MACROD2: variants seen among roughly 807,000 people sequenced by gnomAD.
The protein encoded by MACROD2 is ADP-ribose glycohydrolase MACROD2.
Under a neutral mutation model 70.4 loss-of-function variants are expected in MACROD2, and 36 were observed. The ratio of observed to expected loss-of-function variants is 0.51; its 90% confidence interval spans 0.39 to 0.68. The LOEUF is 0.68. Ranked by LOEUF, MACROD2 falls within the 30% of genes least tolerant of loss-of-function variation. The pLI is 0.00. For missense variants in MACROD2, 496 were observed against 538.4 expected, an observed-to-expected ratio of 0.92 and a Z score of 0.78; for synonymous variants, 172 against 178.8, an observed-to-expected ratio of 0.96 and a Z score of 0.30.
intron 8 of MACROD2, among the ~76,000 whole-genome samples, chr20:15,676,326 G>A (rs1248155257): frequency 1.3e-5 from 2 of 152,174 alleles, no homozygotes; most frequent in African/African-American, 4.8e-5. Flanking sequence ...CCACTTAAAA[G>A]TCAATTTAGA....
intron 2 of MACROD2, among the ~76,000 whole-genome samples, chr20:14,066,805 A>ATTTTTT (rs34648174): frequency 4.8e-5 from 5 of 104,130 alleles, no homozygotes; most frequent in Admixed American, 1.2e-4. Context: ...TGTTTTAGTG[A>ATTTTTT]TTTTTTTTTT....
intron 3 of MACROD2, among the ~76,000 whole-genome samples, chr20:14,278,710 G>T (rs947009266): frequency 6.6e-6 from 1 of 152,076 alleles, no homozygotes; most frequent in African/African-American, 2.4e-5. Flanking sequence ...TTGTATTAGA[G>T]AACATTAGTA....
chr20:15,932,904 A>T (rs1426173543), intron 10 of MACROD2, among the ~76,000 whole-genome samples: 1 of 152,180 alleles, frequency 6.6e-6, no homozygotes, highest in African/African-American at 2.4e-5. Flanking sequence ...AGGGCGAGAA[A>T]CTTAGCCAAC....
chr20:15,120,150 A>G (rs1161823718), intron 5 of MACROD2, among the ~76,000 whole-genome samples: 1 of 152,234 alleles, frequency 6.6e-6, no homozygotes, highest in African/African-American at 2.4e-5. Context: ...GAGCTTAGCA[A>G]GAAAGGTAAA....
At chr20:15,518,177 G>T (rs903414338) in intron 8 of MACROD2, among the ~76,000 whole-genome samples, 2 of 152,236 alleles carry the variant, frequency 1.3e-5, no homozygotes, top group South Asian at 4.1e-4. Flanking sequence ...AGTTTGAGAT[G>T]TCTGAATCTG....
intron 8 of MACROD2, among the ~76,000 whole-genome samples, chr20:15,680,567 T>C (rs1291927777): frequency 6.6e-6 from 1 of 152,192 alleles, no homozygotes; most frequent in Non-Finnish European, 1.5e-5. Context: ...GATTGGCCAC[T>C]ACCTGTGAGG....
intron 3 of MACROD2, among the ~76,000 whole-genome samples, chr20:14,111,699 A>G (rs1404172512): frequency 2.6e-5 from 4 of 151,976 alleles, no homozygotes; most frequent in Non-Finnish European, 4.4e-5. Context: ...TATCCAAAAG[A>G]CAGGCAGTAA....
rs565918515 is a variant in MACROD2 at position 14,272,038 on chromosome 20, G to A, written c.271+186310G>A. Reference sequence around the variant, plus strand: ...TCTGATTGGTGTACCTGAAAGTGATGGGGAGAATGGAACCAAGTTGGAAAA... The same window carrying A: ...TCTGATTGGTGTACCTGAAAGTGATAGGGAGAATGGAACCAAGTTGGAAAA... On this transcript the variant is annotated intron_variant, in intron 3 of 17. Transcript: ENST00000684519. Among the ~76,000 whole-genome samples, 42 of 152,154 alleles carry A rather than the reference G, an allele frequency of 2.8e-4. No homozygotes were observed. In the South Asian group the frequency reaches 8.1e-3, roughly 29 times the overall value.
At chr20:15,343,836 G>C (rs182501472) in intron 6 of MACROD2, among the ~76,000 whole-genome samples, 5 of 152,102 alleles carry the variant, frequency 3.3e-5, no homozygotes, top group Admixed American at 6.6e-5. Flanking sequence ...TGTAACATCC[G>C]TCATGTTACT....
At chr20:14,355,192 A>G (rs2083161100) in intron 3 of MACROD2, among the ~76,000 whole-genome samples, 1 of 152,216 alleles carries the variant, frequency 6.6e-6, no homozygotes, top group African/African-American at 2.4e-5. Context: ...TGCTTTCCAC[A>G]GTGGCTCAAC....
chr20:14,570,938 A>T (rs944500960), intron 4 of MACROD2, among the ~76,000 whole-genome samples: 12 of 151,926 alleles, frequency 7.9e-5, no homozygotes, highest in African/African-American at 1.5e-4. Flanking sequence ...TCCTTCATCT[A>T]CCCCAATCCT....
intron 3 of MACROD2, among the ~76,000 whole-genome samples, chr20:14,099,142 G>C (rs1321578846): frequency 6.6e-6 from 1 of 152,138 alleles, no homozygotes; most frequent in Non-Finnish European, 1.5e-5. Flanking sequence ...GCCGGGCGTG[G>C]TGGCATGCGC....
intron 8 of MACROD2, among the ~76,000 whole-genome samples, chr20:15,794,845 A>T (rs907408742): frequency 2.0e-5 from 3 of 152,164 alleles, no homozygotes; most frequent in Non-Finnish European, 4.4e-5. Context: ...CTCAAACCAT[A>T]TGCCACTAAC....
chr20:15,633,091 C>T (rs2049315440), intron 8 of MACROD2, among the ~76,000 whole-genome samples: 1 of 152,122 alleles, frequency 6.6e-6, no homozygotes, highest in Non-Finnish European at 1.5e-5. Flanking sequence ...TAACCACCCA[C>T]CCTCCTTTCA....
At chr20:16,016,681 A>T (rs1225884) in intron 15 of MACROD2, among the ~76,000 whole-genome samples, 7 of 152,184 alleles carry the variant, frequency 4.6e-5, no homozygotes, top group Non-Finnish European at 1.0e-4. Flanking sequence ...GATTACAGGC[A>T]CCTACTACCA....
chr20:14,479,823 A>G (rs1432000117), intron 3 of MACROD2, among the ~76,000 whole-genome samples: 1 of 152,202 alleles, frequency 6.6e-6, no homozygotes, highest in Non-Finnish European at 1.5e-5. Context: ...ATGTTTAAAT[A>G]TTATGTATTA....
chr20:14,613,346 C>A (rs1983286375), intron 4 of MACROD2, among the ~76,000 whole-genome samples: 1 of 152,028 alleles, frequency 6.6e-6, no homozygotes, highest in Admixed American at 6.6e-5. Flanking sequence ...CTTGGGCTTG[C>A]ATTTCCCTGT....
Position 14,077,100 on chromosome 20 carries a change from A to G in MACROD2, c.164-8521A>G, listed in dbSNP as rs564352555. Among the ~76,000 whole-genome samples, 11 of 152,324 alleles carry G rather than the reference A, an allele frequency of 7.2e-5. No homozygotes were observed. The South Asian group carries it at 2.1e-3, about 29-fold the overall frequency. ...ATGTTGGCTAGCTTTGTTTAATGTT[A>G]TAGTATGTCTGCCTGGAAATTGTTT... On this transcript the variant is annotated intron_variant, in intron 2 of 17. Transcript: ENST00000684519.
chr20:15,834,673 AC>A (rs1422902323), intron 8 of MACROD2, among the ~76,000 whole-genome samples: 3 of 152,264 alleles, frequency 2.0e-5, no homozygotes, highest in Middle Eastern at 3.4e-3. Flanking sequence ...CATCTTTGCA[AC>A]CCTGAAGGTT....
Sources: allele counts gnomAD v4.1 joint callset (sites outside exome capture counted in the v4.1 genomes callset), GRCh38; gene constraint gnomAD v4.1.1; transcripts MANE v1.5; gene names NCBI Gene and HGNC (gene_info 2026-07-23, HGNC 2026-07-21).